The following SNTG2 variants were observed in gnomAD, a reference collection of about 807,000 sequenced individuals.
SNTG2 encodes the protein syntrophin gamma 2, also known as gamma-2-syntrophin.
SNTG2 carries 74 observed loss-of-function variants against 70.9 expected under a neutral mutation model. The ratio of observed to expected loss-of-function variants is 1.04; its 90% CI spans 0.86 to 1.27. The LOEUF is 1.27. SNTG2 is among the 50% of genes most tolerant of loss of function. The pLI, the probability that SNTG2 is intolerant of heterozygous loss-of-function variation, is 0.00. For missense variants in SNTG2, 717 were observed against 690.7 expected (o/e 1.04, Z -0.43); for synonymous variants, 278 against 273.8 (o/e 1.02, Z -0.15).
intron 6 of SNTG2, among the ~76,000 whole-genome samples, chr2:1,144,924 G>A (rs1265361155): frequency 1.3e-5 from 2 of 152,194 alleles, no homozygotes; most frequent in African/African-American, 4.8e-5. Flanking sequence ...ATAACAGATA[G>A]CTGGGAAGTC....
intron 1 of SNTG2, among the ~76,000 whole-genome samples, chr2:990,879 G>GA: frequency 6.6e-6 from 1 of 151,848 alleles, no homozygotes; most frequent in Middle Eastern, 3.4e-3. Flanking sequence ...AAAAGAATGA[G>GA]AAAATTCACC....
At chr2:1,361,189 C>T (rs4496367) in intron 16 of SNTG2, among the ~76,000 whole-genome samples, 109,661 of 151,990 alleles carry the variant, frequency 0.72, 39,856 homozygotes, top group East Asian at 0.94. Flanking sequence ...TTTAAATAAA[C>T]ATGTAAACAT....
chr2:1,247,341 G>T lies in SNTG2; in HGVS notation c.903G>T (p.Gly301=). The change falls in exon 12 of 17, where the codon GGG becomes GGT. Residue 301 remains glycine (G), a synonymous_variant. Coordinates refer to ENST00000308624, the MANE Select transcript of SNTG2 (RefSeq NM_018968.4). Reference sequence around the variant, plus strand: ...CCCCTCTGCAGGTTGTGCATATGGGGTGGGTAAATGAGAAACTCCAAGGAG... The same window carrying T: ...CCCCTCTGCAGGTTGTGCATATGGGTTGGGTAAATGAGAAACTCCAAGGAG... ...CSPSDQVVHM[G]WVNEKLQGAD... is the part of the protein sequence containing the mutation. 2 of 1,613,272 alleles carry T rather than the reference G, an allele frequency of 1.2e-6. No individual in the cohort carries two copies. Among genetic ancestry groups the T allele is most frequent in the Non-Finnish European group, 1.7e-6 (2 of 1,179,340 alleles).
At chr2:1,068,296 C>A (rs1558361388) in intron 1 of SNTG2, 1 of 152,038 alleles carries the variant, frequency 6.6e-6, no homozygotes, top group Non-Finnish European at 1.5e-5. Context: ...GAGGTTCAAG[C>A]AGATATAGAT....
At chr2:1,042,839 A>G (rs566801288) in intron 1 of SNTG2, among the ~76,000 whole-genome samples, 6 of 152,286 alleles carry the variant, frequency 3.9e-5, no homozygotes, top group African/African-American at 1.2e-4. Context: ...ATAGACATGC[A>G]TGTGTCTTTA....
intron 14 of SNTG2, among the ~76,000 whole-genome samples, chr2:1,301,261 TACTC>T (rs1178912562): frequency 6.6e-6 from 1 of 152,124 alleles, no homozygotes; most frequent in Non-Finnish European, 1.5e-5. Flanking sequence ...AGAGTCCACA[TACTC>T]ACTGTGGTTG....
intron 13 of SNTG2, 84 bp from the exon 14 acceptor site, chr2:1,267,281 G>T: frequency 1.5e-6 from 2 of 1,305,806 alleles, no homozygotes; most frequent in Non-Finnish European, 1.1e-6. Flanking sequence ...TCACGCAAAC[G>T]CTGCCTTCTC....
chr2:1,099,791 C>T (rs116429973), intron 4 of SNTG2, among the ~76,000 whole-genome samples: 1,711 of 151,818 alleles, frequency 0.011, 33 homozygotes, highest in African/African-American at 0.039. Flanking sequence ...GCTGTGAACA[C>T]GTTCTCAGGG....
chr2:1,363,079 A>T (rs2148322821), intron 16 of SNTG2, among the ~76,000 whole-genome samples: 1 of 152,114 alleles, frequency 6.6e-6, no homozygotes, highest in Non-Finnish European at 1.5e-5. Context: ...CTTCCATGAA[A>T]GTGACCGGCG....
intron 6 of SNTG2, among the ~76,000 whole-genome samples, chr2:1,151,501 G>A (rs1669494163): frequency 6.6e-6 from 1 of 152,174 alleles, no homozygotes; most frequent in South Asian, 2.1e-4. Flanking sequence ...TCTTTCTGCA[G>A]GAACACCAGA....
chr2:1,310,593 A>C (rs553766867), intron 15 of SNTG2, among the ~76,000 whole-genome samples: 13 of 152,248 alleles, frequency 8.5e-5, no homozygotes, highest in African/African-American at 3.1e-4. Context: ...GCCATTGCTC[A>C]ACATGAAGAC....
intron 4 of SNTG2, among the ~76,000 whole-genome samples, chr2:1,131,124 G>A (rs1266845765): frequency 5.9e-5 from 9 of 152,130 alleles, no homozygotes; most frequent in Admixed American, 5.9e-4. Flanking sequence ...CTTTCTGTGG[G>A]GTTGACGCAG....
At position 1,097,287 on chromosome 2, in the gene SNTG2, C is replaced by T. The variant is rs544627311; in HGVS notation, c.211-909C>T. Among the ~76,000 whole-genome samples, 23 of 152,334 alleles carry T rather than the reference C, an allele frequency of 1.5e-4. No homozygotes were observed. The highest frequency in any genetic ancestry group is 3.9e-4 in the East Asian group (2 of 5,162). ...GGCGGGAGCTCCCAGGTCCCCCCTT[C>T]GGCGTGGGCTCTGCCACCCTTTTAC... On this transcript the variant is annotated intron_variant, in intron 2 of 16. Transcript: ENST00000308624. This position sits in a 1 kb window ranked among gnomAD's most constrained non-coding sequence, Gnocchi z 4.1.
chr2:1,093,600 A>C (rs4971438), intron 2 of SNTG2, among the ~76,000 whole-genome samples: 1,735 of 152,400 alleles, frequency 0.011, 91 homozygotes, highest in Admixed American at 0.093. Context: ...GTGAAAACAC[A>C]AATTGGCTGA....
At chr2:1,296,259 G>A (rs1038339104) in intron 14 of SNTG2, among the ~76,000 whole-genome samples, 8 of 152,238 alleles carry the variant, frequency 5.3e-5, no homozygotes, top group African/African-American at 1.9e-4. Flanking sequence ...CACAGCTGCT[G>A]ACCAACTGGG....
At chr2:1,197,527 G>GTATATATATA (rs57293269) in intron 8 of SNTG2, among the ~76,000 whole-genome samples, 1 of 96,676 alleles carries the variant, frequency 1.0e-5, no homozygotes, top group Non-Finnish European at 2.2e-5. Flanking sequence ...GTGTGTGTGT[G>GTATATATATA]TGTGTGTGTG....
chr2:1,024,995 A>G (rs1260260728), intron 1 of SNTG2, among the ~76,000 whole-genome samples: 1 of 152,254 alleles, frequency 6.6e-6, no homozygotes, highest in Non-Finnish European at 1.5e-5. Context: ...TCTGCTACAT[A>G]CACTCTACGT....
At chr2:1,113,339 G>C (rs189692668) in intron 4 of SNTG2, among the ~76,000 whole-genome samples, 2 of 151,344 alleles carry the variant, frequency 1.3e-5, no homozygotes, top group Admixed American at 1.3e-4. Flanking sequence ...GAGAAGGATC[G>C]TGTGTATTAA....
intron 1 of SNTG2, among the ~76,000 whole-genome samples, chr2:1,001,646 C>G (rs1211685466): frequency 6.6e-6 from 1 of 151,800 alleles, no homozygotes; most frequent in African/African-American, 2.4e-5. Context: ...ACCTCCCTGG[C>G]TCATGGATTG....
Sources: allele counts gnomAD v4.1 joint callset (sites outside exome capture counted in the v4.1 genomes callset), GRCh38; gene constraint gnomAD v4.1.1; non-coding constraint Gnocchi (gnomAD v3.1); transcripts MANE v1.5; gene names NCBI Gene and HGNC (gene_info 2026-07-23, HGNC 2026-07-21).